SCFD2: variants seen among roughly 807,000 people sequenced by gnomAD.
The protein encoded by SCFD2 is sec1 family domain containing 2, also known as sec1 family domain-containing protein 2.
Under a neutral mutation model 58.9 loss-of-function variants are expected in SCFD2, and 54 were observed. That is an observed-to-expected ratio of 0.92 (90% CI 0.74 to 1.15). The LOEUF is 1.15. SCFD2 is among the 50% of genes most tolerant of loss of function. SCFD2 has a pLI of 0.00. For synonymous variants in SCFD2, 321 were observed against 335.9 expected, an observed-to-expected ratio of 0.96 and a Z score of 0.49; for missense variants, 805 against 836.6, an observed-to-expected ratio of 0.96 and a Z score of 0.47.
At chr4:53,097,917 T>C (rs1724707625) in intron 5 of SCFD2, among the ~76,000 whole-genome samples, 1 of 152,204 alleles carries the variant, frequency 6.6e-6, no homozygotes, top group Non-Finnish European at 1.5e-5. Context: ...TGAGAGTTGT[T>C]AGCATGAAGG....
intron 4 of SCFD2, among the ~76,000 whole-genome samples, chr4:53,247,769 G>A (rs1410853540): frequency 1.4e-5 from 2 of 144,656 alleles, no homozygotes; most frequent in Non-Finnish European, 3.0e-5. Flanking sequence ...GCTGAGGCAG[G>A]AGAATGGCGT....
chr4:53,243,768 C>A (rs977236452), intron 4 of SCFD2, among the ~76,000 whole-genome samples: 5 of 151,732 alleles, frequency 3.3e-5, no homozygotes, highest in African/African-American at 1.2e-4. Flanking sequence ...TGTGATGACA[C>A]CCATAGGCAC....
intron 5 of SCFD2, among the ~76,000 whole-genome samples, chr4:53,085,071 C>T (rs1159187258): frequency 6.6e-6 from 1 of 152,062 alleles, no homozygotes; most frequent in African/African-American, 2.4e-5. Context: ...AAAGGGCATC[C>T]AAACTGGAAA....
chr4:53,207,916 G>A (rs1299018988), intron 4 of SCFD2, among the ~76,000 whole-genome samples: 2 of 150,596 alleles, frequency 1.3e-5, no homozygotes, highest in Admixed American at 1.3e-4. Context: ...TTTCTTTAAA[G>A]ATTACTCAGT....
At chr4:53,180,205 T>A (rs1439172911) in intron 4 of SCFD2, among the ~76,000 whole-genome samples, 1 of 152,192 alleles carries the variant, frequency 6.6e-6, no homozygotes, top group African/African-American at 2.4e-5. Context: ...TACATTCTTT[T>A]CAGCACCACA....
chr4:53,357,296 G>C, intron 1 of SCFD2, among the ~76,000 whole-genome samples: 1 of 152,016 alleles, frequency 6.6e-6, no homozygotes, highest in African/African-American at 2.4e-5. Context: ...AGGTATAGAG[G>C]TATGTGCCTA....
intron 4 of SCFD2, among the ~76,000 whole-genome samples, chr4:53,271,841 A>G (rs1190972383): frequency 5.9e-5 from 9 of 152,192 alleles, no homozygotes; most frequent in Non-Finnish European, 7.3e-5. Flanking sequence ...ACAAAAGCCA[A>G]AATTGACAAA....
intron 5 of SCFD2, among the ~76,000 whole-genome samples, chr4:53,049,561 C>T (rs1348974494): frequency 4.6e-5 from 7 of 152,138 alleles, no homozygotes; most frequent in Non-Finnish European, 5.9e-5. Flanking sequence ...GTTTCTGGTG[C>T]TCTAAACCAC....
chr4:53,180,210 A>G (rs1274561122), intron 4 of SCFD2, among the ~76,000 whole-genome samples: 1 of 152,196 alleles, frequency 6.6e-6, no homozygotes, highest in Admixed American at 6.5e-5. Context: ...TCTTTTCAGC[A>G]CCACAACACA....
chr4:53,358,930 C>T (rs1205884058), intron 1 of SCFD2, among the ~76,000 whole-genome samples: 1 of 152,170 alleles, frequency 6.6e-6, no homozygotes, highest in Non-Finnish European at 1.5e-5. Context: ...CCATTTACTT[C>T]TCAAACAATT....
intron 5 of SCFD2, among the ~76,000 whole-genome samples, chr4:53,084,403 GCT>G (rs1329867532): frequency 1.3e-5 from 2 of 151,928 alleles, no homozygotes; most frequent in Non-Finnish European, 2.9e-5. Context: ...CATAAAAATC[GCT>G]GTTATTCTGT....
At chr4:53,294,157 C>A (rs1476242600) in intron 3 of SCFD2, among the ~76,000 whole-genome samples, 1 of 151,998 alleles carries the variant, frequency 6.6e-6, no homozygotes. Context: ...GGGTATATAC[C>A]CAGTAACGGG....
chr4:53,187,699 C>G (rs1727777991), intron 4 of SCFD2, among the ~76,000 whole-genome samples: 1 of 151,734 alleles, frequency 6.6e-6, no homozygotes, highest in South Asian at 2.1e-4. Flanking sequence ...AAAACAACAA[C>G]AATAACAAAA....
chr4:53,222,265 G>A (rs544041242), intron 4 of SCFD2, among the ~76,000 whole-genome samples: 1 of 152,316 alleles, frequency 6.6e-6, no homozygotes, highest in African/African-American at 2.4e-5. Context: ...AAAAATCTTG[G>A]TTTTGAAACA....
At chr4:53,022,662 G>T (rs1406034989) in intron 5 of SCFD2, among the ~76,000 whole-genome samples, 1 of 152,196 alleles carries the variant, frequency 6.6e-6, no homozygotes. Context: ...GATCTCTAAA[G>T]AGGGGATTAA....
At chr4:52,944,282 G>GA (rs1329903241) in intron 5 of SCFD2, among the ~76,000 whole-genome samples, 1 of 152,144 alleles carries the variant, frequency 6.6e-6, no homozygotes, top group African/African-American at 2.4e-5. Context: ...CCATACTGCA[G>GA]AAATGTTATT....
intron 4 of SCFD2, among the ~76,000 whole-genome samples, chr4:53,174,250 A>G (rs986715204): frequency 8.5e-5 from 13 of 152,078 alleles, no homozygotes; most frequent in African/African-American, 2.9e-4. Flanking sequence ...AAAAATGAAG[A>G]GGAGACATAA....
chr4:53,157,256 T>A (rs1200416414), intron 4 of SCFD2, among the ~76,000 whole-genome samples: 1 of 152,230 alleles, frequency 6.6e-6, no homozygotes, highest in Non-Finnish European at 1.5e-5. Flanking sequence ...AAATCAGGCA[T>A]AGGCTAAAGA....
intron 2 of SCFD2, among the ~76,000 whole-genome samples, chr4:53,350,902 G>T (rs915321613): frequency 4.6e-5 from 7 of 152,066 alleles, no homozygotes; most frequent in Non-Finnish European, 7.4e-5. Flanking sequence ...TAGAGACAGG[G>T]TTTCACCACG....
Sources: gnomAD v4.1 joint callset for allele counts (sites outside exome capture counted in the v4.1 genomes callset) on GRCh38, gnomAD v4.1.1 for gene constraint, MANE v1.5 for transcripts, NCBI Gene and HGNC (gene_info 2026-07-23, HGNC 2026-07-21) for gene names.